OVCH1: variants seen among roughly 807,000 people sequenced by gnomAD.
The protein encoded by OVCH1 is ovochymase 1.
In OVCH1, 139 loss-of-function variants were observed where a neutral mutation model predicts 138.4. The ratio of observed to expected loss-of-function variants is 1.00; its 90% CI spans 0.87 to 1.16. The LOEUF (loss-of-function observed/expected upper bound fraction) is 1.16, where lower values mean the gene tolerates loss of function less well. OVCH1 is among the 50% of genes most tolerant of loss of function. OVCH1 has a pLI of 0.00. For missense variants in OVCH1, 1,367 were observed against 1,357.9 expected (o/e 1.01, Z -0.11); for synonymous variants, 453 against 467.8 (o/e 0.97, Z 0.41).
At chr12:29,407,833 A>G (rs542976272), downstream of OVCH1, among the ~76,000 whole-genome samples, 64 of 151,326 alleles carry the variant, frequency 4.2e-4, 1 homozygote, top group East Asian at 0.012. Context: ...GTTTTTTCCA[A>G]TTCTGTGAAG....
chr12:29,453,479 C>T (rs1186059410), intron 21 of OVCH1, among the ~76,000 whole-genome samples: 1 of 152,082 alleles, frequency 6.6e-6, no homozygotes, highest in Non-Finnish European at 1.5e-5. Context: ...TATGGTCAGC[C>T]CCTAGACACT....
chr12:29,476,406 C>T, intron 12 of OVCH1, 107 bp from the exon 13 acceptor site: 5 of 874,020 alleles, frequency 5.7e-6, no homozygotes, highest in Non-Finnish European at 9.4e-6. Flanking sequence ...TCCTCATATG[C>T]CTTCACATAG....
At chr12:29,468,088 T>C (rs2135994968) in intron 16 of OVCH1, among the ~76,000 whole-genome samples, 1 of 152,288 alleles carries the variant, frequency 6.6e-6, no homozygotes, top group African/African-American at 2.4e-5. Flanking sequence ...TTATAAGATA[T>C]AATGTTATGT....
At chr12:29,471,608 C>CA (rs1942510047) in intron 16 of OVCH1, among the ~76,000 whole-genome samples, 194 bp downstream of exon 16, 1 of 152,188 alleles carries the variant, frequency 6.6e-6, no homozygotes, top group African/African-American at 2.4e-5. Flanking sequence ...ACGGGATAAG[C>CA]AGTCAAGATT....
downstream of OVCH1, among the ~76,000 whole-genome samples, chr12:29,426,496 A>C (rs1447182444): frequency 6.6e-6 from 1 of 152,210 alleles, no homozygotes; most frequent in African/African-American, 2.4e-5. Flanking sequence ...CTAGCTCAAG[A>C]GTTCTATCTC....
intron 27 of OVCH1, among the ~76,000 whole-genome samples, chr12:29,431,719 T>C (rs1297896655): frequency 6.6e-6 from 1 of 152,224 alleles, no homozygotes; most frequent in East Asian, 1.9e-4. Context: ...AGTCAGATCT[T>C]GAATAAACCT....
chr12:29,441,676 G>A (rs1941488749), intron 25 of OVCH1, among the ~76,000 whole-genome samples: 1 of 152,116 alleles, frequency 6.6e-6, no homozygotes, highest in Admixed American at 6.5e-5. Flanking sequence ...ACATCAGATT[G>A]AACAGGCAAC....
At chr12:29,409,530 A>C (rs1040311702), downstream of OVCH1, among the ~76,000 whole-genome samples, 2 of 152,016 alleles carry the variant, frequency 1.3e-5, no homozygotes, top group African/African-American at 4.8e-5. Flanking sequence ...TTGGTTTCAG[A>C]GAACATCTTT....
intron 3 of OVCH1, among the ~76,000 whole-genome samples, chr12:29,414,769 C>T (rs1941010294): frequency 6.6e-6 from 1 of 151,988 alleles, no homozygotes; most frequent in Admixed American, 6.6e-5. Flanking sequence ...GATAGTCAAT[C>T]CAGCATTATT....
chr12:29,460,672 A>G (rs2135969002), intron 19 of OVCH1, among the ~76,000 whole-genome samples: 1 of 152,132 alleles, frequency 6.6e-6, no homozygotes, highest in South Asian at 2.1e-4. Context: ...ATTTAGCATC[A>G]CTGCCCTGAG....
chr12:29,415,821 A>G (rs570924258), intron 3 of OVCH1, among the ~76,000 whole-genome samples: 1 of 152,286 alleles, frequency 6.6e-6, no homozygotes, highest in African/African-American at 2.4e-5. Flanking sequence ...TTTATACGAG[A>G]AAGCACAGAC....
intron 4 of OVCH1, 54 bp downstream of exon 4, chr12:29,495,231 T>A (rs1174015594): frequency 6.8e-7 from 1 of 1,480,842 alleles, no homozygotes; most frequent in African/African-American, 1.4e-5. Context: ...AACTTGTACA[T>A]AATTAGCAGT....
At chr12:29,406,400 G>A in the OVCH1 span, among the ~76,000 whole-genome samples, 86,145 of 151,746 alleles carry the variant, frequency 0.57, 26,361 homozygotes, top group Middle Eastern at 0.78. Flanking sequence ...ATGCTGCTGC[G>A]CTGCACCCAC....
chr12:29,469,606 A>C (rs570943385), intron 16 of OVCH1, among the ~76,000 whole-genome samples: 1 of 152,134 alleles, frequency 6.6e-6, no homozygotes, highest in South Asian at 2.1e-4. Flanking sequence ...AAAGTGGGGC[A>C]CTGTGGGTCA....
intron 26 of OVCH1, among the ~76,000 whole-genome samples, chr12:29,437,759 T>C (rs552271367): frequency 1.7e-4 from 26 of 152,184 alleles, no homozygotes; most frequent in Non-Finnish European, 3.4e-4. Flanking sequence ...ACCTTTCTTA[T>C]CTATCAAAAG....
intron 18 of OVCH1, 41 bp downstream of exon 18, chr12:29,464,466 A>G (rs776838384): frequency 3.8e-6 from 6 of 1,593,450 alleles, no homozygotes; most frequent in African/African-American, 1.3e-5. Flanking sequence ...TTTCAAAAAT[A>G]ACAACTGGCA....
At chr12:29,465,057 A>C in intron 17 of OVCH1, 90 bp downstream of exon 17, 3 of 1,104,716 alleles carry the variant, frequency 2.7e-6, no homozygotes, top group Non-Finnish European at 3.9e-6. Context: ...GGAGATTAAT[A>C]ACTAATTACA....
At chr12:29,402,339 A>ACTT in the OVCH1 span, among the ~76,000 whole-genome samples, 1 of 152,220 alleles carries the variant, frequency 6.6e-6, no homozygotes, top group Non-Finnish European at 1.5e-5. Flanking sequence ...CAAAAGTATA[A>ACTT]CTTAATGAAA....
intron 21 of OVCH1, among the ~76,000 whole-genome samples, chr12:29,452,991 T>C (rs186157124): frequency 6.6e-6 from 1 of 152,328 alleles, no homozygotes; most frequent in Admixed American, 6.5e-5. Flanking sequence ...TTTAACAATG[T>C]TCATTTTCTA....
Sources: gnomAD v4.1 joint callset for allele counts (sites outside exome capture counted in the v4.1 genomes callset) on GRCh38, gnomAD v4.1.1 for gene constraint, MANE v1.5 for transcripts, NCBI Gene and HGNC (gene_info 2026-07-23, HGNC 2026-07-21) for gene names.